The following ZBTB20 variants were observed in gnomAD, a reference collection of about 807,000 sequenced individuals.
The protein encoded by ZBTB20 is zinc finger and BTB domain containing 20, also known as zinc finger and BTB domain-containing protein 20.
ZBTB20 carries 9 observed loss-of-function variants against 56.9 expected under a neutral mutation model. The ratio of observed to expected loss-of-function variants is 0.16; its 90% CI spans 0.10 to 0.28. The LOEUF is 0.28. Ranked by LOEUF, ZBTB20 falls within the 10% of genes least tolerant of loss-of-function variation. ZBTB20 has a pLI of 1.00. For missense variants in ZBTB20, 655 were observed against 1,003.0 expected, an observed-to-expected ratio of 0.65 and a Z score of 4.69; for synonymous variants, 417 against 420.7, an observed-to-expected ratio of 0.99 and a Z score of 0.11.
intron 2 of ZBTB20, among the ~76,000 whole-genome samples, chr3:115,047,577 T>C (rs1340046591): frequency 6.6e-6 from 1 of 152,236 alleles, no homozygotes; most frequent in Non-Finnish European, 1.5e-5. Context: ...TCCTTTAAAC[T>C]ACTGATGTAT....
chr3:114,637,919 C>G (rs1174028375), intron 6 of ZBTB20, among the ~76,000 whole-genome samples: 2 of 151,964 alleles, frequency 1.3e-5, no homozygotes, highest in Non-Finnish European at 2.9e-5. Context: ...CTTTTTATAG[C>G]CCACACTGTT....
chr3:114,551,352 A>C (rs760433526), intron 6 of ZBTB20, among the ~76,000 whole-genome samples: 1 of 152,220 alleles, frequency 6.6e-6, no homozygotes, highest in Non-Finnish European at 1.5e-5. Context: ...TAAAGAGTTC[A>C]TACCTAGCAG....
intron 2 of ZBTB20, among the ~76,000 whole-genome samples, chr3:115,060,304 G>T (rs73859709): frequency 0.089 from 13,504 of 152,134 alleles, 1,751 homozygotes; most frequent in African/African-American, 0.28. Context: ...ACCTCAAAAT[G>T]ATTATGAAGA....
chr3:114,454,178 G>GAGAGAT, intron 7 of ZBTB20, among the ~76,000 whole-genome samples: 1 of 37,994 alleles, frequency 2.6e-5, no homozygotes, highest in African/African-American at 4.8e-5. Flanking sequence ...AGAGAAGGGA[G>GAGAGAT]AGAGAGAGAG....
intron 7 of ZBTB20, among the ~76,000 whole-genome samples, chr3:114,433,774 A>G (rs995912889): frequency 2.0e-5 from 3 of 152,220 alleles, no homozygotes; most frequent in Non-Finnish European, 2.9e-5. Context: ...AGACATACAA[A>G]TAAGTGCTTT....
intron 7 of ZBTB20, among the ~76,000 whole-genome samples, chr3:114,455,402 G>T (rs1467143914): frequency 6.6e-6 from 1 of 152,108 alleles, no homozygotes; most frequent in African/African-American, 2.4e-5. Context: ...AACAAAAAGT[G>T]CAAATACAAA....
Position 114,677,150 on chromosome 3 carries a change from C to T in ZBTB20, c.-295+16378G>A, listed in dbSNP as rs531934386. Among the ~76,000 whole-genome samples the T allele has an allele frequency of 2.2e-4, 34 of 152,254 alleles. No individual in the cohort carries two copies. The South Asian group carries it at 5.2e-3, about 23-fold the overall frequency. ...TCGGTCATCAGCTGGTAAATGTTCA[C>T]AAATGTAAATTCTTAACCACAATGC... is the stretch of plus-strand genomic sequence containing the variant. On this transcript the variant is annotated intron_variant, in intron 6 of 11. Coordinates refer to ENST00000675478, the MANE Select transcript of ZBTB20 (RefSeq NM_001348800.3).
chr3:114,437,392 A>C (rs928463874), intron 7 of ZBTB20, among the ~76,000 whole-genome samples: 1 of 152,150 alleles, frequency 6.6e-6, no homozygotes, highest in African/African-American at 2.4e-5. Context: ...ATCTCATATA[A>C]TTTAAACTCA....
intron 6 of ZBTB20, among the ~76,000 whole-genome samples, chr3:114,531,416 T>C (rs1286384070): frequency 6.6e-6 from 1 of 152,190 alleles, no homozygotes; most frequent in African/African-American, 2.4e-5. Context: ...GTCAGAGAAT[T>C]ACTACTATGA....
chr3:114,854,721 G>T (rs2075160151), intron 4 of ZBTB20, among the ~76,000 whole-genome samples: 1 of 152,050 alleles, frequency 6.6e-6, no homozygotes, highest in African/African-American at 2.4e-5. Flanking sequence ...TGAAGTTCTT[G>T]GATTTCATCA....
chr3:114,907,287 C>T (rs1475499675), intron 3 of ZBTB20, among the ~76,000 whole-genome samples: 1 of 151,756 alleles, frequency 6.6e-6, no homozygotes, highest in Non-Finnish European at 1.5e-5. Flanking sequence ...AAAACTGGTA[C>T]CAAAAATACT....
At chr3:115,009,066 A>C (rs2079590499) in intron 2 of ZBTB20, among the ~76,000 whole-genome samples, 1 of 151,804 alleles carries the variant, frequency 6.6e-6, no homozygotes, top group Non-Finnish European at 1.5e-5. Flanking sequence ...TTATGTTTTT[A>C]GATCCTTTGA....
intron 4 of ZBTB20, among the ~76,000 whole-genome samples, chr3:114,888,434 T>C (rs2076687389): frequency 6.6e-6 from 1 of 152,082 alleles, no homozygotes. Context: ...ATCCAAGTGG[T>C]ATATTGATGT....
intron 4 of ZBTB20, among the ~76,000 whole-genome samples, chr3:114,877,476 G>C (rs938259610): frequency 2.6e-5 from 4 of 152,190 alleles, no homozygotes; most frequent in African/African-American, 9.6e-5. Context: ...TAAGCAGTCA[G>C]TGTTCTTGGG....
In ZBTB20 at chr3:114,414,388, C is replaced by T. The variant is rs564851781; in HGVS notation, c.-254-25283G>A. Among the ~76,000 whole-genome samples the T allele has an allele frequency of 1.1e-3, 174 of 152,098 alleles. 1 individual carries two copies. The highest frequency in any genetic ancestry group is 1.7e-3 in the Non-Finnish European group (117 of 67,984). ...AAATAGCTGGGTTGGGGGAGAAGCA[C>T]GATGAGGAGAAGAAACATTAGAGAA... On this transcript the variant is annotated intron_variant, in intron 7 of 11. Coordinates refer to ENST00000675478, the MANE Select transcript of ZBTB20 (RefSeq NM_001348800.3).
At chr3:115,037,946 A>C (rs2080994493) in intron 2 of ZBTB20, among the ~76,000 whole-genome samples, 1 of 152,252 alleles carries the variant, frequency 6.6e-6, no homozygotes, top group South Asian at 2.1e-4. Flanking sequence ...TTTAATTTCC[A>C]AATACCACAA....
At chr3:114,371,613 T>C (rs1576424640) in intron 10 of ZBTB20, among the ~76,000 whole-genome samples, 1 of 152,228 alleles carries the variant, frequency 6.6e-6, no homozygotes, top group Non-Finnish European at 1.5e-5. Context: ...GCATCCACTA[T>C]ATTGATGGAT....
At chr3:114,394,460 T>C (rs948679803) in intron 7 of ZBTB20, among the ~76,000 whole-genome samples, 4 of 152,214 alleles carry the variant, frequency 2.6e-5, no homozygotes, top group Non-Finnish European at 5.9e-5. Flanking sequence ...ACTGGAAAGA[T>C]CTGGGAGCAC....
At chr3:114,358,917 A>AT (rs1164119335) in intron 10 of ZBTB20, among the ~76,000 whole-genome samples, 1 of 152,184 alleles carries the variant, frequency 6.6e-6, no homozygotes, top group African/African-American at 2.4e-5. Context: ...TGTGAATATC[A>AT]TAACTGATCA....
Sources: allele counts gnomAD v4.1 joint callset (sites outside exome capture counted in the v4.1 genomes callset), GRCh38; gene constraint gnomAD v4.1.1; transcripts MANE v1.5; gene names NCBI Gene and HGNC (gene_info 2026-07-23, HGNC 2026-07-21).